Variants in LITAF observed in about 807,000 individuals in gnomAD.
LITAF encodes the protein lipopolysaccharide-induced tumor necrosis factor-alpha factor.
LITAF carries 9 observed loss-of-function variants against 14.5 expected under a neutral mutation model. The ratio of observed to expected loss-of-function variants is 0.62; its 90% CI spans 0.37 to 1.08. The LOEUF (loss-of-function observed/expected upper bound fraction) is 1.08, where lower values mean the gene tolerates loss of function less well. LITAF is among the 50% of genes least tolerant of loss of function. LITAF has a pLI of 0.01. For synonymous variants in LITAF, 98 were observed against 88.2 expected (o/e 1.11, Z -0.62); for missense variants, 206 against 213.4 (o/e 0.97, Z 0.22).
At chr16:11,566,642 A>G (rs951437053) in intron 1 of LITAF, among the ~76,000 whole-genome samples, 1 of 152,158 alleles carries the variant, frequency 6.6e-6, no homozygotes, top group African/African-American at 2.4e-5. Flanking sequence ...GCACATGTCT[A>G]TAGTCCCAGC....
At chr16:11,566,271 G>T (rs1301614520) in intron 1 of LITAF, among the ~76,000 whole-genome samples, 1 of 152,168 alleles carries the variant, frequency 6.6e-6, no homozygotes, top group Non-Finnish European at 1.5e-5. Flanking sequence ...AACATTATGG[G>T]TGCTTCATAG....
At chr16:11,576,078 G>A (rs1319638859) in intron 1 of LITAF, among the ~76,000 whole-genome samples, 3 of 151,980 alleles carry the variant, frequency 2.0e-5, no homozygotes, top group African/African-American at 7.2e-5. Flanking sequence ...TTGTAGAGAC[G>A]GGGTCTCACT....
In LITAF at chr16:11,554,092, C is replaced by T. The variant is rs113630494; in HGVS notation, c.221-403G>A. Reference sequence around the variant, plus strand: ...CAAAAAAATATAAAAATTAGCCCAGCGTGGGAGTACACGCCTGTAGTCCCA... The same window carrying T: ...CAAAAAAATATAAAAATTAGCCCAGTGTGGGAGTACACGCCTGTAGTCCCA... On this transcript the variant is annotated intron_variant, in intron 2 of 3. Coordinates refer to ENST00000622633, the MANE Select transcript of LITAF (RefSeq NM_001136472.2). Among the ~76,000 whole-genome samples the T allele has an allele frequency of 5.8e-3, 888 of 152,196 alleles. 5 individuals carry two copies. The highest frequency in any genetic ancestry group is 0.02 in the African/African-American group (843 of 41,522).
intron 1 of LITAF, among the ~76,000 whole-genome samples, chr16:11,579,111 C>T (rs1485445688): frequency 6.6e-6 from 1 of 151,860 alleles, no homozygotes; most frequent in Non-Finnish European, 1.5e-5. Flanking sequence ...GTTGCTTGAA[C>T]CCGGGAGGCC....
chr16:11,593,027 C>T (rs764042256), intron 1 of LITAF, among the ~76,000 whole-genome samples: 2 of 152,036 alleles, frequency 1.3e-5, no homozygotes, highest in African/African-American at 4.8e-5. Flanking sequence ...AAAAATTAGC[C>T]GGGCGTTATG....
chr16:11,614,944 T>C (rs1450484652), intron 3 of LITAF, among the ~76,000 whole-genome samples: 4 of 152,190 alleles, frequency 2.6e-5, no homozygotes, highest in Admixed American at 2.6e-4. Context: ...ATGCATGGCT[T>C]CCAGGACCCT....
Position 11,558,055 on chromosome 16 carries a change from C to T in LITAF, c.-5-1320G>A, listed in dbSNP as rs1305813809. ...CCTTAGAAGAGCCATTCAAACCTGT[C>T]TCGGGAGAAATGGGAAATGAGGCTC... On this transcript the variant is annotated intron_variant, in intron 1 of 3. Transcript: ENST00000622633. The surrounding 1 kb of genome is among the most constrained non-coding windows in gnomAD (Gnocchi z 4.1). Among the ~76,000 whole-genome samples the T allele has an allele frequency of 6.6e-6, 1 of 152,136 alleles. No homozygotes were observed. Among genetic ancestry groups the T allele is most frequent in the African/African-American group, 2.4e-5 (1 of 41,420 alleles).
chr16:11,561,923 GAGAA>G (rs1299726513), intron 1 of LITAF, among the ~76,000 whole-genome samples: 4 of 151,054 alleles, frequency 2.6e-5, no homozygotes, highest in African/African-American at 7.3e-5. Flanking sequence ...GAGGGAAAGG[GAGAA>G]AGAAAGAGAG....
chr16:11,565,937 C>T (rs989844792), intron 1 of LITAF, among the ~76,000 whole-genome samples: 1 of 151,894 alleles, frequency 6.6e-6, no homozygotes, highest in Non-Finnish European at 1.5e-5. Context: ...TGGAGCTAGA[C>T]CCCCTGGGTT....
At chr16:11,609,951 C>T (rs2064973885) in intron 3 of LITAF, among the ~76,000 whole-genome samples, 1 of 150,014 alleles carries the variant, frequency 6.7e-6, no homozygotes, top group African/African-American at 2.5e-5. Context: ...CCAGAGGTCC[C>T]CGCCTGTCAT....
intron 1 of LITAF, among the ~76,000 whole-genome samples, chr16:11,579,423 A>G (rs2064696690): frequency 6.6e-6 from 1 of 151,748 alleles, no homozygotes; most frequent in Non-Finnish European, 1.5e-5. Flanking sequence ...TGCAGTCCGC[A>G]GTCCGGCCTG....
At chr16:11,555,179 C>T (rs369561961) in intron 2 of LITAF, among the ~76,000 whole-genome samples, 10 of 152,032 alleles carry the variant, frequency 6.6e-5, no homozygotes, top group South Asian at 4.1e-4. Context: ...ACTACAGGTA[C>T]AAGCCATCAC....
At chr16:11,563,582 T>C (rs1163167376) in intron 1 of LITAF, among the ~76,000 whole-genome samples, 1 of 152,166 alleles carries the variant, frequency 6.6e-6, no homozygotes, top group African/African-American at 2.4e-5. Flanking sequence ...TGTGCACTTT[T>C]ATGCCACATA....
intron 1 of LITAF, among the ~76,000 whole-genome samples, chr16:11,567,327 G>A (rs1266170000): frequency 6.6e-6 from 1 of 152,036 alleles, no homozygotes; most frequent in Non-Finnish European, 1.5e-5. Context: ...GGCTGAGGCA[G>A]GAGAATTGCT....
rs189290760 is a variant in LITAF, at chr16:11,558,743, G to A, written c.-5-2008C>T. 3.1e-4 allele frequency among the ~76,000 whole-genome samples: 47 copies of A among 152,164 alleles called. 1 individual carries two copies. Among genetic ancestry groups the A allele is most frequent in the African/African-American group, 4.8e-5 (2 of 41,524 alleles). ...AAACGAAACAAAGTGGAATAGAGGC[G>A]GGGGAGTGAACGTGATAAAAAGAAA... On this transcript the variant is annotated intron_variant, in intron 1 of 3. Coordinates refer to ENST00000622633, the MANE Select transcript of LITAF (RefSeq NM_001136472.2). The surrounding 1 kb of genome is among the most constrained non-coding windows in gnomAD (Gnocchi z 4.1).
Position 11,632,195 on chromosome 16 carries a change from C to T in LITAF, c.85+1338G>A, listed in dbSNP as rs1453069310. Among the ~76,000 whole-genome samples the T allele has an allele frequency of 1.3e-5, 2 of 152,148 alleles. No homozygotes were observed. Among genetic ancestry groups the T allele is most frequent in the African/African-American group, 4.8e-5 (2 of 41,444 alleles). On this transcript the variant is annotated intron_variant, in intron 3 of 3. Coordinates refer to the LITAF transcript ENST00000574848. The surrounding 1 kb of genome is among the most constrained non-coding windows in gnomAD (Gnocchi z 4.8). Reference sequence around the variant, plus strand: ...CAAAGAACCTATTTTCAAATCAGGTCACCTTCACAAGTGCTGGGAGTTACG... The same window carrying T: ...CAAAGAACCTATTTTCAAATCAGGTTACCTTCACAAGTGCTGGGAGTTACG...
chr16:11,626,510 A>G (rs770654294), intron 3 of LITAF, among the ~76,000 whole-genome samples: 133 of 152,274 alleles, frequency 8.7e-4, no homozygotes, highest in Non-Finnish European at 1.8e-3. Flanking sequence ...TGCCTGGTTA[A>G]TTTTTGTATT....
At chr16:11,603,966 G>T (rs2064941729) in intron 3 of LITAF, among the ~76,000 whole-genome samples, 1 of 152,142 alleles carries the variant, frequency 6.6e-6, no homozygotes, top group Non-Finnish European at 1.5e-5. Flanking sequence ...AGAATGGCAT[G>T]AACCTGGGAG....
intron 2 of LITAF, among the ~76,000 whole-genome samples, chr16:11,635,311 T>A (rs2065134005): frequency 6.6e-6 from 1 of 152,198 alleles, no homozygotes; most frequent in Admixed American, 6.5e-5. Flanking sequence ...CGCATGTAGA[T>A]ACCAATCAAC....
Sources: gnomAD v4.1 joint callset for allele counts (sites outside exome capture counted in the v4.1 genomes callset) on GRCh38, gnomAD v4.1.1 for gene constraint, Gnocchi (gnomAD v3.1) non-coding constraint, MANE v1.5 for transcripts, NCBI Gene and HGNC (gene_info 2026-07-23, HGNC 2026-07-21) for gene names.